Variants in OPCML observed in about 807,000 individuals in gnomAD.
OPCML encodes opioid-binding protein/cell adhesion molecule.
In OPCML, 13 loss-of-function variants were observed where a neutral mutation model predicts 37.8. The observed-to-expected ratio is 0.34, with a 90% confidence interval of 0.22 to 0.55. The LOEUF (loss-of-function observed/expected upper bound fraction) is 0.55. Ranked by LOEUF, OPCML falls within the 20% of genes least tolerant of loss-of-function variation. The pLI is 0.91. For missense variants in OPCML, 341 were observed against 435.6 expected (o/e 0.78, Z 1.93); for synonymous variants, 176 against 168.8 (o/e 1.04, Z -0.33).
chr11:133,023,496 A>T (rs1235504895), intron 1 of OPCML, among the ~76,000 whole-genome samples: 1 of 152,210 alleles, frequency 6.6e-6, no homozygotes, highest in Admixed American at 6.5e-5. Flanking sequence ...TCACCTTACC[A>T]CACTTCACCT....
At chr11:132,647,581 A>C (rs1029515057) in intron 3 of OPCML, among the ~76,000 whole-genome samples, 1 of 152,218 alleles carries the variant, frequency 6.6e-6, no homozygotes, top group East Asian at 1.9e-4. Flanking sequence ...AATGAGACTA[A>C]GTAAATAATA....
intron 1 of OPCML, among the ~76,000 whole-genome samples, chr11:133,161,582 G>A (rs1050371934): frequency 2.0e-5 from 3 of 152,188 alleles, no homozygotes; most frequent in Non-Finnish European, 4.4e-5. Context: ...AGTTCTGTCA[G>A]CTGGCCGATA....
intron 1 of OPCML, among the ~76,000 whole-genome samples, chr11:133,149,028 C>T (rs908025592): frequency 3.3e-5 from 5 of 152,114 alleles, no homozygotes; most frequent in Admixed American, 6.5e-5. Flanking sequence ...CACTGCCAGC[C>T]GTTCTTCCCC....
At chr11:132,432,373 T>C (rs2096000010) in intron 7 of OPCML, among the ~76,000 whole-genome samples, 1 of 152,160 alleles carries the variant, frequency 6.6e-6, no homozygotes, top group African/African-American at 2.4e-5. Flanking sequence ...ACACTATCTG[T>C]CTGATCTTGT....
At chr11:132,484,436 G>A (rs997372149) in intron 4 of OPCML, among the ~76,000 whole-genome samples, 6 of 152,240 alleles carry the variant, frequency 3.9e-5, no homozygotes, top group East Asian at 1.9e-4. Flanking sequence ...TGGAGAGCTT[G>A]TGGAGAAATA....
intron 2 of OPCML, among the ~76,000 whole-genome samples, chr11:132,849,551 A>G (rs1941703909): frequency 6.6e-6 from 1 of 152,228 alleles, no homozygotes; most frequent in African/African-American, 2.4e-5. Flanking sequence ...CAAGTGGGGT[A>G]TATGGAGGGC....
intron 2 of OPCML, among the ~76,000 whole-genome samples, chr11:132,916,429 T>C (rs143199601): frequency 6.6e-6 from 1 of 152,250 alleles, no homozygotes; most frequent in Admixed American, 6.5e-5. Flanking sequence ...GCGCTGGCAC[T>C]CTAGACAGGC....
chr11:132,525,643 G>A (rs2096306058), intron 4 of OPCML, among the ~76,000 whole-genome samples: 1 of 152,112 alleles, frequency 6.6e-6, no homozygotes, highest in Non-Finnish European at 1.5e-5. Context: ...ATAAATATTG[G>A]CAGTCACCCT....
At chr11:133,436,835 A>C (rs948662549) in intron 1 of OPCML, among the ~76,000 whole-genome samples, 2 of 152,194 alleles carry the variant, frequency 1.3e-5, no homozygotes, top group Non-Finnish European at 2.9e-5. Flanking sequence ...GTAACTGCAA[A>C]GACCTAAACC....
chr11:133,472,830 C>T (rs1947148232), intron 1 of OPCML, among the ~76,000 whole-genome samples: 2 of 151,976 alleles, frequency 1.3e-5, no homozygotes, highest in African/African-American at 4.8e-5. Context: ...AATCTCGTCC[C>T]TGGGGTATGG....
intron 4 of OPCML, among the ~76,000 whole-genome samples, chr11:132,505,942 G>C (rs2096255883): frequency 6.6e-6 from 1 of 151,694 alleles, no homozygotes; most frequent in African/African-American, 2.4e-5. Context: ...CTGCATATTA[G>C]GAGAATTCAG....
chr11:133,435,441 T>A (rs930304742), intron 1 of OPCML, among the ~76,000 whole-genome samples: 1 of 152,218 alleles, frequency 6.6e-6, no homozygotes. Context: ...ATGTTGCTTT[T>A]CCACATTTTG....
chr11:132,494,764 A>G (rs1335858439), intron 4 of OPCML, among the ~76,000 whole-genome samples: 1 of 152,228 alleles, frequency 6.6e-6, no homozygotes, highest in Non-Finnish European at 1.5e-5. Flanking sequence ...AAAACTGAAC[A>G]TTTGTTGCAG....
intron 1 of OPCML, among the ~76,000 whole-genome samples, chr11:133,342,826 G>A (rs938132637): frequency 6.6e-6 from 1 of 152,134 alleles, no homozygotes; most frequent in Non-Finnish European, 1.5e-5. Context: ...GTCTGGAGCA[G>A]ACTCTCATGG....
chr11:133,257,801 C>T (rs1941363105), intron 1 of OPCML, among the ~76,000 whole-genome samples: 1 of 152,018 alleles, frequency 6.6e-6, no homozygotes, highest in African/African-American at 2.4e-5. Context: ...CTAGTCTATG[C>T]CAGATGCCCT....
At chr11:132,701,805 G>GAT (rs1943833340) in intron 2 of OPCML, among the ~76,000 whole-genome samples, 2 of 125,170 alleles carry the variant, frequency 1.6e-5, no homozygotes, top group South Asian at 5.3e-4. Flanking sequence ...TGGTGGTGGT[G>GAT]GGCGTGTGCT....
At chr11:132,842,987 A>G (rs1395955052) in intron 2 of OPCML, among the ~76,000 whole-genome samples, 1 of 152,230 alleles carries the variant, frequency 6.6e-6, no homozygotes, top group Non-Finnish European at 1.5e-5. Flanking sequence ...AAATTTGTGA[A>G]TCAATTAAAC....
At chr11:133,341,366 A>G (rs968727328) in intron 1 of OPCML, among the ~76,000 whole-genome samples, 19 of 152,174 alleles carry the variant, frequency 1.2e-4, no homozygotes, top group African/African-American at 4.6e-4. Context: ...CCAGATAGAC[A>G]ACTTATTCCT....
At chr11:132,650,756 TGAG>T (rs1178944359) in intron 3 of OPCML, among the ~76,000 whole-genome samples, 2 of 152,194 alleles carry the variant, frequency 1.3e-5, no homozygotes, top group African/African-American at 4.8e-5. Flanking sequence ...AGCGCAGGGC[TGAG>T]GAGTGAGCAT....
Sources: gnomAD v4.1 joint callset for allele counts (sites outside exome capture counted in the v4.1 genomes callset) on GRCh38, gnomAD v4.1.1 for gene constraint, MANE v1.5 for transcripts, NCBI Gene and HGNC (gene_info 2026-07-23, HGNC 2026-07-21) for gene names.